ZNF76: variants seen among roughly 807,000 people sequenced by gnomAD.
ZNF76 encodes zinc finger protein 523.
Under a neutral mutation model 66.9 loss-of-function variants are expected in ZNF76, and 66 were observed. That is an observed-to-expected ratio of 0.99 (90% CI 0.81 to 1.21). ZNF76 has a LOEUF of 1.21. Ranked by LOEUF, ZNF76 falls within the 50% of genes most tolerant of loss-of-function variation. ZNF76 has a pLI of 0.00. For synonymous variants in ZNF76, 275 were observed against 296.1 expected, an observed-to-expected ratio of 0.93 and a Z score of 0.73; for missense variants, 729 against 760.3, an observed-to-expected ratio of 0.96 and a Z score of 0.48.
intron 5 of ZNF76, chr6:35,288,123 A>G (rs1241394606): frequency 9.5e-6 from 6 of 630,546 alleles, no homozygotes; most frequent in Non-Finnish European, 1.8e-5. Context: ...GAAAGCTGCC[A>G]TAAGAAACAG....
Position 35,292,631 on chromosome 6 carries a change from G to A in ZNF76, c.1009G>A (p.Val337Met), listed in dbSNP as rs137993036. Residue 337 changes from valine to methionine, a missense_variant, in exon 10 of 14, where the codon GTG becomes ATG. Physicochemically the swap from Val to Met is conservative, Grantham distance 21 (BLOSUM62 1). Coordinates refer to ENST00000373953, the MANE Select transcript of ZNF76 (RefSeq NM_003427.5). The surrounding 1 kb of genome is among the most constrained non-coding windows in gnomAD (Gnocchi z 4.7). The part of the protein sequence containing the change: ...TEYSSLYKHH[V>M]VHTHCKPYTC... ...GTACTCGAGCTTGTATAAGCACCAC[G>A]TGGTGCACACACACTGCAAGCCCTA... The A allele has an allele frequency of 1.8e-4, 288 of 1,614,064 alleles. 1 individual carries two copies. The highest frequency in any genetic ancestry group is 5.3e-5 in the African/African-American group (4 of 75,034).
At chr6:35,290,738 T>C (rs898137675) in intron 7 of ZNF76, 22 bp downstream of exon 7, 5 of 1,613,354 alleles carry the variant, frequency 3.1e-6, no homozygotes, top group Non-Finnish European at 3.4e-6. Flanking sequence ...GGTGGGCTGC[T>C]TCCAGTTGAG....
chr6:35,266,975 A>G (rs1456597141), intron 1 of ZNF76, among the ~76,000 whole-genome samples: 3 of 149,932 alleles, frequency 2.0e-5, no homozygotes, highest in Non-Finnish European at 3.0e-5. Context: ...TAATTTTTGT[A>G]TTTTTAGTAG....
Position 35,295,675 on chromosome 6 carries a change from C to G in ZNF76, c.*427C>G, listed in dbSNP as rs2150382241. 1 of 211,332 alleles carries G rather than the reference C, an allele frequency of 4.7e-6. No homozygotes were observed. Among genetic ancestry groups the G allele is most frequent in the South Asian group, 7.1e-5 (1 of 14,016 alleles). The allele number at this position is 211,332 out of a possible 1,614,324, so 13.1% of individuals were successfully genotyped here. On this transcript the variant is annotated 3_prime_UTR_variant, in exon 14 of 14. Transcript: ENST00000373953. ...TGGAGCAGGCCCTGTCCTGCCCTCC[C>G]AGCAATAACCACCTCCCTGGAGGCC...
In ZNF76 at chr6:35,267,024, C is replaced by G. The variant is rs144973968; in HGVS notation, c.-97+7183C>G. 1.3e-3 allele frequency among the ~76,000 whole-genome samples: 193 copies of G among 152,138 alleles called. 2 individuals carry two copies. The highest frequency in any genetic ancestry group is 4.5e-3 in the African/African-American group (186 of 41,518). ...CCGTGTTAACCAGGATGGTCTCTAT[C>G]TCCTGACTTTGTGATCCGCCCGCCT... On this transcript the variant is annotated intron_variant, in intron 1 of 13. Transcript: ENST00000373953.
rs1302696640 is a variant in ZNF76, at chr6:35,280,529, C to CCT, written c.-96-527_-96-526insCT. ...ACTCAAGCATGATCCCCCCCCCCCC[C>CCT]GCCCTGAAGTTCTGGGTGGAAGGCG... On this transcript the variant is annotated intron_variant, in intron 1 of 13. Transcript: ENST00000373953. Among the ~76,000 whole-genome samples, 727 of 127,128 alleles carry CCT rather than the reference C, an allele frequency of 5.7e-3. 9 individuals are homozygous for CCT. Among genetic ancestry groups the CCT allele is most frequent in the South Asian group, 0.01 (32 of 3,122 alleles). The allele number at this position is 127,128 out of a possible 152,430, so 83.4% of individuals were successfully genotyped here. A position where few individuals can be genotyped will look rare whatever the true frequency, so the allele number is the denominator to read the frequency against.
chr6:35,283,361 TCTC>T (rs1454182639), intron 2 of ZNF76, among the ~76,000 whole-genome samples: 2 of 152,188 alleles, frequency 1.3e-5, no homozygotes, highest in Non-Finnish European at 2.9e-5. Context: ...TTCTCTGACT[TCTC>T]CTCTGAAGCT....
intron 1 of ZNF76, among the ~76,000 whole-genome samples, chr6:35,268,721 C>G (rs1786528675): frequency 6.8e-6 from 1 of 147,120 alleles, no homozygotes; most frequent in Non-Finnish European, 1.5e-5. Flanking sequence ...TGCAGTGAGC[C>G]AAGATCGCAC....
intron 12 of ZNF76, 126 bp downstream of exon 12, chr6:35,294,041 G>A: frequency 1.7e-6 from 2 of 1,187,744 alleles, no homozygotes; most frequent in East Asian, 2.6e-5. Context: ...AAAAGAAGGG[G>A]TCTTCCCCAC....
rs190974357 is a variant in ZNF76 at position 35,287,301 on chromosome 6, C to A, written c.233-345C>A. ...GTGACATGGTCACATTTGTGTCCCG[C>A]AAAGATCCCTCTGGATGTTGTGCTG... On this transcript the variant is annotated intron_variant, in intron 4 of 13. Transcript: ENST00000373953. This position sits in a 1 kb window ranked among gnomAD's most constrained non-coding sequence, Gnocchi z 4.0. Among the ~76,000 whole-genome samples the A allele has an allele frequency of 2.0e-5, 3 of 152,204 alleles. No homozygotes were observed. The East Asian group carries it at 5.8e-4, about 29-fold the overall frequency.
At chr6:35,286,929 A>G in intron 4 of ZNF76, 1 of 170,760 alleles carries the variant, frequency 5.9e-6, no homozygotes, top group Non-Finnish European at 1.3e-5. Flanking sequence ...TGAACTGATC[A>G]TTACAAACAG....
At chr6:35,283,572 C>A (rs1789097296) in intron 2 of ZNF76, among the ~76,000 whole-genome samples, 2 of 152,192 alleles carry the variant, frequency 1.3e-5, no homozygotes, top group South Asian at 4.1e-4. Flanking sequence ...GGATATGAGG[C>A]CCTTGTCAGT....
chr6:35,272,984 T>C (rs996416943), intron 1 of ZNF76, among the ~76,000 whole-genome samples: 6 of 151,960 alleles, frequency 3.9e-5, no homozygotes, highest in Non-Finnish European at 8.8e-5. Flanking sequence ...CGAAACCCTG[T>C]CTGTACTAAA....
At chr6:35,266,086 G>A (rs1419757587) in intron 1 of ZNF76, among the ~76,000 whole-genome samples, 4 of 152,102 alleles carry the variant, frequency 2.6e-5, no homozygotes, top group African/African-American at 7.2e-5. Context: ...GATGTATTTG[G>A]AAAGGAGCCA....
intron 1 of ZNF76, among the ~76,000 whole-genome samples, chr6:35,265,193 G>T (rs1275331083): frequency 6.6e-6 from 1 of 152,018 alleles, no homozygotes; most frequent in East Asian, 1.9e-4. Flanking sequence ...AGAAAATTAA[G>T]CAGAGAAGGG....
chr6:35,278,508 C>T (rs566803462), intron 1 of ZNF76, among the ~76,000 whole-genome samples: 33 of 152,366 alleles, frequency 2.2e-4, no homozygotes, highest in African/African-American at 7.5e-4. Flanking sequence ...GAACTTCTGA[C>T]TTTAAGCAGC....
intron 1 of ZNF76, among the ~76,000 whole-genome samples, chr6:35,278,452 G>A (rs1788258738): frequency 6.6e-6 from 1 of 152,226 alleles, no homozygotes; most frequent in Non-Finnish European, 1.5e-5. Context: ...GGCTGTCAAA[G>A]CCCCAGTTGG....
intron 1 of ZNF76, among the ~76,000 whole-genome samples, chr6:35,276,796 T>C (rs1349453861): frequency 4.2e-5 from 1 of 23,532 alleles, no homozygotes; most frequent in South Asian, 4.2e-3. Flanking sequence ...TATGGGTTTT[T>C]TTTTTTTTTT....
chr6:35,267,015 G>A (rs188882231), intron 1 of ZNF76, among the ~76,000 whole-genome samples: 1 of 151,888 alleles, frequency 6.6e-6, no homozygotes, highest in African/African-American at 2.4e-5. Context: ...TAACCAGGAT[G>A]GTCTCTATCT....
Sources: gnomAD v4.1 joint callset for allele counts (sites outside exome capture counted in the v4.1 genomes callset) on GRCh38, gnomAD v4.1.1 for gene constraint, Gnocchi (gnomAD v3.1) non-coding constraint, MANE v1.5 for transcripts, NCBI Gene and HGNC (gene_info 2026-07-23, HGNC 2026-07-21) for gene names.